The following SRCAP variants were observed in gnomAD, a reference collection of about 807,000 sequenced individuals.
SRCAP encodes the protein chromatin remodeling protein SRCAP.
SRCAP carries 46 observed loss-of-function variants against 263.1 expected under a neutral mutation model. That is an observed-to-expected ratio of 0.17 (90% CI 0.14 to 0.22). The LOEUF is 0.22. SRCAP is among the 10% of genes least tolerant of loss of function. The probability of loss-of-function intolerance (pLI) is 1.00; values close to 1 mark genes in which losing one functional copy is unlikely to be tolerated. For missense variants in SRCAP, 3,695 were observed against 4,181.9 expected (o/e 0.88, Z 3.21); for synonymous variants, 1,813 against 1,662.1 (o/e 1.09, Z -2.21).
chr16:30,739,664 G>T lies in SRCAP; in HGVS notation c.9624G>T (p.Leu3208=). The change falls in exon 34 of 34, where the codon CTG becomes CTT. Residue 3208 remains leucine, a synonymous_variant. Transcript: ENST00000262518. ...GTTNQGDQRI[L]RSSAPPSLAG... ...CCAACCAAGGGGACCAGCGCATCCT[G>T]CGCAGCAGCGCCCCTCCCTCCCTGG... 6.4e-7 allele frequency: 1 copy of T among 1,574,096 alleles called. No homozygotes were observed. The highest frequency in any genetic ancestry group is 2.3e-5 in the East Asian group (1 of 43,154).
intron 18 of SRCAP, 82 bp from the exon 19 acceptor site, chr16:30,720,080 G>A (rs1204029130): frequency 1.4e-6 from 2 of 1,475,700 alleles, no homozygotes; most frequent in South Asian, 2.6e-5. Flanking sequence ...TTCACTTAAG[G>A]ATAATGGCCT....
Position 30,738,665 on chromosome 16 carries a change from AGGT to A in SRCAP, c.8627_8629del (p.Gly2876del), listed in dbSNP as rs1407451606. 6.2e-7 allele frequency: 1 copy of A among 1,613,058 alleles called. No individual in the cohort carries two copies. Among genetic ancestry groups the A allele is most frequent in the Non-Finnish European group, 8.5e-7 (1 of 1,179,560 alleles). ...ACAGGTCTCCAGCAGATGCTGGGAG[AGGT>A]GTGGATGAGGCACCCTCATCCACCT... On this transcript the variant is annotated inframe_deletion, in exon 34 of 34. Coordinates refer to ENST00000262518, the MANE Select transcript of SRCAP (RefSeq NM_006662.3).
intron 23 of SRCAP, 59 bp downstream of exon 23, chr16:30,722,807 C>T (rs1412990877): frequency 1.0e-5 from 16 of 1,562,668 alleles, no homozygotes; most frequent in African/African-American, 2.7e-5. Flanking sequence ...CAGGCATGCG[C>T]TGGGCTACTG....
intron 6 of SRCAP, 152 bp downstream of exon 6, chr16:30,707,864 C>T (rs2052844798): frequency 1.0e-6 from 1 of 1,003,536 alleles, no homozygotes; most frequent in Non-Finnish European, 1.5e-6. Context: ...AGTATAGTGG[C>T]AAAATATGGG....
In SRCAP at chr16:30,738,063, G is replaced by C; in HGVS notation, c.8023G>C (p.Glu2675Gln). ...QEPLEADRTS[E>Q]ELTEAKTPTS... ...GCCACTGGAGGCTGACAGGACCTCG[G>C]AAGAGCTGACAGAGGCCAAGACCCC... is the stretch of plus-strand genomic sequence containing the variant. Residue 2675 changes from glutamate to glutamine, a missense_variant, in exon 34 of 34, where the codon GAA (glutamate) becomes CAA (glutamine). Transcript: ENST00000262518. The C allele has an allele frequency of 6.2e-7, 1 of 1,614,148 alleles. No homozygotes were observed. Among genetic ancestry groups the C allele is most frequent in the Non-Finnish European group, 8.5e-7 (1 of 1,180,030 alleles).
At position 30,739,051 on chromosome 16, in the gene SRCAP, A is replaced by C. The variant is rs759152990; in HGVS notation, c.9011A>C (p.Lys3004Thr). ...TTVTISTSPPKRKRGRPPKNP... is the reference protein window; with the variant it reads ...TTVTISTSPPTRKRGRPPKNP... ...GTCACCATTTCAACGTCCCCACCCA[A>C]ACGGAAGAGGGGCCGACCTCCCAAG... The change falls in exon 34 of 34, where the codon AAA becomes ACA. Residue 3004 changes from lysine to threonine, a missense_variant. Transcript: ENST00000262518. 6 of 1,613,810 alleles carry C rather than the reference A, an allele frequency of 3.7e-6. No homozygotes were observed. Among genetic ancestry groups the C allele is most frequent in the Non-Finnish European group, 5.1e-6 (6 of 1,179,972 alleles).
At chr16:30,736,998 T>C (rs1205066969) in intron 33 of SRCAP, 51 bp from the exon 34 acceptor site, 3 of 1,526,442 alleles carry the variant, frequency 2.0e-6, no homozygotes, top group Non-Finnish European at 2.6e-6. Flanking sequence ...TTCTACTCAC[T>C]CTCTACTCTG....
At chr16:30,734,467 CTG>C in intron 30 of SRCAP, 27 bp from the exon 31 acceptor site, 1 of 1,613,082 alleles carries the variant, frequency 6.2e-7, no homozygotes, top group South Asian at 1.1e-5. Flanking sequence ...TCTGTTGACT[CTG>C]ACACTTCCCT....
chr16:30,725,455 T>A (rs1487901532), intron 25 of SRCAP: 1 of 177,584 alleles, frequency 5.6e-6, no homozygotes, highest in Admixed American at 5.7e-5. Context: ...AGTACTTGAG[T>A]TAAACTCACA....
At position 30,710,795 on chromosome 16, in the gene SRCAP, G is replaced by C; in HGVS notation, c.1176G>C (p.Gln392His). 1 of 1,614,176 alleles carries C rather than the reference G, an allele frequency of 6.2e-7. No homozygotes were observed. Among genetic ancestry groups the C allele is most frequent in the Non-Finnish European group, 8.5e-7 (1 of 1,180,032 alleles). ...CTGCTGTCACACAGCGCAACAAACAGCCTTGGCATCCAGATGAAGATGATG... is the reference window on the plus strand; with the variant it reads ...CTGCTGTCACACAGCGCAACAAACACCCTTGGCATCCAGATGAAGATGATG... ...PPSAVTQRNK[Q>H]PWHPDEDDEE... is the part of the protein sequence containing the mutation. Residue 392 changes from glutamine (Q) to histidine (H), a missense_variant, in exon 9 of 34, where the codon CAG (glutamine) becomes CAC (histidine). Coordinates refer to ENST00000262518, the MANE Select transcript of SRCAP (RefSeq NM_006662.3).
Position 30,711,874 on chromosome 16 carries a change from A to G in SRCAP, c.1532A>G (p.His511Arg), listed in dbSNP as rs1249395507. Reference protein sequence around the residue: ...EDRSEDEEDEHSEEEETSGSS... With the variant: ...EDRSEDEEDERSEEEETSGSS... Reference sequence around the variant, plus strand: ...CGGAGTGAGGATGAGGAAGATGAACATTCAGAGGAGGAAGAAACAAGTGGA... The same window carrying G: ...CGGAGTGAGGATGAGGAAGATGAACGTTCAGAGGAGGAAGAAACAAGTGGA... The change falls in exon 12 of 34, where the codon CAT becomes CGT. Residue 511 changes from histidine (H) to arginine (R), a missense_variant. By Grantham distance (29) the His-to-Arg change is conservative (BLOSUM62 0). Around this residue, in one of 12 missense-constraint regions of SRCAP, gnomAD observed 288 missense variants for 302.4 expected, o/e 0.95. Coordinates refer to ENST00000262518, the MANE Select transcript of SRCAP (RefSeq NM_006662.3). The G allele has an allele frequency of 6.2e-7, 1 of 1,613,884 alleles. No homozygotes were observed. Among genetic ancestry groups the G allele is most frequent in the Non-Finnish European group, 8.5e-7 (1 of 1,180,020 alleles).
At position 30,738,716 on chromosome 16, in the gene SRCAP, T is replaced by G. The variant is rs140675498; in HGVS notation, c.8676T>G (p.Ala2892=). The G allele has an allele frequency of 5.1e-4, 829 of 1,614,018 alleles. 1 individual carries two copies. Among genetic ancestry groups the G allele is most frequent in the Non-Finnish European group, 6.4e-4 (752 of 1,180,024 alleles). The change falls in exon 34 of 34, where the codon GCT becomes GCG. Residue 2892 remains alanine (A), a synonymous_variant. Coordinates refer to ENST00000262518, the MANE Select transcript of SRCAP (RefSeq NM_006662.3). ...SSTLKGKTNG[A]DPVPGPETLI... ...CCTTGAAGGGAAAAACCAATGGGGC[T>G]GACCCAGTCCCTGGGCCTGAGACCC...
At chr16:30,719,311 G>A (rs2052986696) in intron 18 of SRCAP, among the ~76,000 whole-genome samples, 1 of 151,754 alleles carries the variant, frequency 6.6e-6, no homozygotes, top group African/African-American at 2.4e-5. Flanking sequence ...CGCCCCTCCA[G>A]GTTTAAGCAA....
rs367593794 is a variant in SRCAP at position 30,700,857 on chromosome 16, G to C, written c.33G>C (p.Gln11His). The C allele has an allele frequency of 5.0e-6, 8 of 1,614,190 alleles. No individual in the cohort carries two copies. The highest frequency in any genetic ancestry group is 6.8e-6 in the Non-Finnish European group (8 of 1,180,016). Residue 11 changes from glutamine (Q) to histidine (H), a missense_variant, in exon 3 of 34, where the codon CAG (glutamine) becomes CAC (histidine). This residue lies in a region of SRCAP where 122 missense variants were observed against 116.9 expected (regional missense o/e 1.04). Coordinates refer to ENST00000262518, the MANE Select transcript of SRCAP (RefSeq NM_006662.3). MQSSPSPAHP[Q>H]LPVLQTQMVS... ...GCAGCCCCTCCCCTGCTCACCCTCA[G>C]CTCCCAGTCCTACAGACACAGGTTT...
intron 13 of SRCAP, 113 bp downstream of exon 13, chr16:30,712,552 G>T: frequency 6.5e-6 from 10 of 1,527,964 alleles, no homozygotes; most frequent in African/African-American, 2.8e-5. Flanking sequence ...GTCATTAACT[G>T]TATAGAGAGG....
rs1469573832 is a variant in SRCAP at position 30,737,439 on chromosome 16, C to T, written c.7399C>T (p.Pro2467Ser). 3.1e-6 allele frequency: 5 copies of T among 1,593,248 alleles called. No individual in the cohort carries two copies. The highest frequency in any genetic ancestry group is 3.4e-6 in the Non-Finnish European group (4 of 1,168,132). ...TCCTGTCCCAGTTTCTGCCCCAGTA[C>T]CCATTTCAGCCCCAAATCCAATAAC... ...LVPVPVSAPV[P>S]ISAPNPITIL... The change falls in exon 34 of 34, where the codon CCC becomes TCC. Residue 2467 changes from proline (P) to serine (S), a missense_variant. Pro to Ser is a moderately conservative substitution (Grantham distance 74, BLOSUM62 -1). This residue lies in a region of SRCAP where 1,207 missense variants were observed against 1,142.9 expected (regional missense o/e 1.06). Transcript: ENST00000262518.
At chr16:30,720,078 A>G in intron 18 of SRCAP, 84 bp from the exon 19 acceptor site, 1 of 1,461,544 alleles carries the variant, frequency 6.8e-7, no homozygotes, top group African/African-American at 1.4e-5. Context: ...AATTCACTTA[A>G]GGATAATGGC....
rs901998648 is a variant in SRCAP at position 30,705,853 on chromosome 16, C to A, written c.307-1330C>A. ...TCCCGAGTAGCTGGGACTAAGCGCT[C>A]GCCACTATGCCTGGCTAATTTTTTG... On this transcript the variant is annotated intron_variant, in intron 4 of 33. Coordinates refer to ENST00000262518, the MANE Select transcript of SRCAP (RefSeq NM_006662.3). Among the ~76,000 whole-genome samples, 2 of 152,186 alleles carry A rather than the reference C, an allele frequency of 1.3e-5. 1 individual carries two copies. Among genetic ancestry groups the A allele is most frequent in the African/African-American group, 4.8e-5 (2 of 41,526 alleles).
intron 18 of SRCAP, among the ~76,000 whole-genome samples, chr16:30,719,009 T>A (rs1458540175): frequency 1.3e-5 from 2 of 151,292 alleles, no homozygotes; most frequent in African/African-American, 4.9e-5. Context: ...CGATTCTCGA[T>A]TCTTGTGCCT....
Sources: allele counts gnomAD v4.1 joint callset (sites outside exome capture counted in the v4.1 genomes callset), GRCh38; gene constraint gnomAD v4.1.1; regional missense constraint gnomAD v4.1.1; transcripts MANE v1.5; gene names NCBI Gene and HGNC (gene_info 2026-07-23, HGNC 2026-07-21).